Variants in HCRTR2 observed in about 807,000 individuals in gnomAD.
The protein encoded by HCRTR2 is hypocretin receptor 2.
In HCRTR2, 22 loss-of-function variants were observed where a neutral mutation model predicts 49.0. That is an observed-to-expected ratio of 0.45 (90% confidence interval 0.32 to 0.64). HCRTR2 has a LOEUF of 0.64. HCRTR2 is among the 30% of genes least tolerant of loss of function. The pLI is 0.04. For synonymous variants in HCRTR2, 236 were observed against 205.3 expected (o/e 1.15, Z -1.28); for missense variants, 491 against 559.4 (o/e 0.88, Z 1.23).
chr6:55,263,876 T>G (rs1291662062), intron 4 of HCRTR2, 54 bp downstream of exon 4: 1 of 1,071,840 alleles, frequency 9.3e-7, no homozygotes, highest in South Asian at 1.3e-5. Flanking sequence ...TAATTTGTTA[T>G]TTGTTATTCC....
chr6:55,171,386 A>G (rs1001323874), upstream of HCRTR2, among the ~76,000 whole-genome samples: 16 of 152,140 alleles, frequency 1.1e-4, no homozygotes, highest in African/African-American at 2.7e-4. Flanking sequence ...TGTAAAATGG[A>G]TTGATTCCTT....
At chr6:55,164,808 C>G (rs1473489111) in intron 1 of HCRTR2, among the ~76,000 whole-genome samples, 1 of 151,584 alleles carries the variant, frequency 6.6e-6, no homozygotes, top group Non-Finnish European at 1.5e-5. Flanking sequence ...ATGACCTTAC[C>G]AAAGAACTAT....
At chr6:55,245,593 CCTT>C (rs1156953870) in intron 1 of HCRTR2, among the ~76,000 whole-genome samples, 2 of 149,392 alleles carry the variant, frequency 1.3e-5, no homozygotes, top group African/African-American at 4.9e-5. Flanking sequence ...AATCAATCAT[CCTT>C]CTCATTGTTG....
intron 5 of HCRTR2, among the ~76,000 whole-genome samples, chr6:55,278,056 G>T (rs1167662965): frequency 1.3e-5 from 2 of 152,106 alleles, no homozygotes; most frequent in Non-Finnish European, 1.5e-5. Flanking sequence ...ACTTAAAAGT[G>T]CATTGGCGAG....
intron 1 of HCRTR2, among the ~76,000 whole-genome samples, chr6:55,228,903 C>A (rs532184364): frequency 6.6e-6 from 1 of 152,084 alleles, no homozygotes; most frequent in Non-Finnish European, 1.5e-5. Flanking sequence ...CTATTGACAA[C>A]TTTTCAGCAC....
At chr6:55,207,789 A>G (rs1349906369) in intron 1 of HCRTR2, among the ~76,000 whole-genome samples, 1 of 152,214 alleles carries the variant, frequency 6.6e-6, no homozygotes, top group Non-Finnish European at 1.5e-5. Context: ...ACGATAAAAT[A>G]GCACAACTCA....
rs371928508 is a variant in HCRTR2, at chr6:55,153,717, A to C, written c.-377-20494A>C. 2.4e-3 allele frequency among the ~76,000 whole-genome samples: 369 copies of C among 152,084 alleles called. 1 individual carries two copies. Among genetic ancestry groups the C allele is most frequent in the African/African-American group, 8.6e-3 (357 of 41,552 alleles). On this transcript the variant is annotated intron_variant, in intron 1 of 7. Transcript: ENST00000615358. ...TTTGAGATCCATACTGGTGGAGTCT[A>C]ATTATTCAAAACTAGGGAAAACAGA...
At chr6:55,248,490 T>C in intron 1 of HCRTR2, 149 bp from the exon 2 acceptor site, 1 of 693,676 alleles carries the variant, frequency 1.4e-6, no homozygotes, top group Non-Finnish European at 2.6e-6. Context: ...TTCACACAGA[T>C]TGACAGATTC....
chr6:55,249,053 T>G (rs532867483), intron 2 of HCRTR2, among the ~76,000 whole-genome samples: 1 of 152,274 alleles, frequency 6.6e-6, no homozygotes, highest in South Asian at 2.1e-4. Context: ...CACAACTTTT[T>G]TGATTACTAA....
chr6:55,176,705 A>G (rs1765046210), intron 1 of HCRTR2, among the ~76,000 whole-genome samples: 2 of 152,222 alleles, frequency 1.3e-5, no homozygotes, highest in South Asian at 2.1e-4. Flanking sequence ...CCTCAGATCC[A>G]GAATTCTCCA....
At chr6:55,251,512 CAG>C (rs1475795559) in intron 2 of HCRTR2, among the ~76,000 whole-genome samples, 29 of 151,796 alleles carry the variant, frequency 1.9e-4, no homozygotes, top group Admixed American at 1.9e-3. Flanking sequence ...GTTACTTTTT[CAG>C]AGTGATTTTT....
intron 1 of HCRTR2, among the ~76,000 whole-genome samples, chr6:55,160,968 C>G (rs1287553994): frequency 2.0e-5 from 3 of 152,138 alleles, no homozygotes; most frequent in Non-Finnish European, 4.4e-5. Flanking sequence ...GAACTCAGCT[C>G]TGGACCAAGC....
chr6:55,255,248 G>A lies in HCRTR2; in HGVS notation c.515G>A (p.Ser172Asn), dbSNP rs774812626. 1.9e-6 allele frequency: 3 copies of A among 1,613,988 alleles called. No homozygotes were observed. The highest frequency in any genetic ancestry group is 2.5e-6 in the Non-Finnish European group (3 of 1,179,966). ...FKSTAKRARN[S>N]IVIIWIVSCI... ...AGCACAGCAAAGCGGGCCCGTAACA[G>A]CATTGTCATCATCTGGATTGTCTCC... The change falls in exon 3 of 7, where the codon AGC (serine) becomes AAC (asparagine). Residue 172 changes from serine (S) to asparagine (N), a missense_variant. Physicochemically the swap from Ser to Asn is conservative, Grantham distance 46. Transcript: ENST00000370862.
At chr6:55,124,278 T>G (rs928278261) in intron 1 of HCRTR2, among the ~76,000 whole-genome samples, 1 of 152,198 alleles carries the variant, frequency 6.6e-6, no homozygotes, top group Non-Finnish European at 1.5e-5. Flanking sequence ...CTCTACACAC[T>G]GCTTTAAATG....
chr6:55,134,968 T>C (rs1411495794), intron 1 of HCRTR2, among the ~76,000 whole-genome samples: 1 of 152,042 alleles, frequency 6.6e-6, no homozygotes, highest in African/African-American at 2.4e-5. Flanking sequence ...CAGATATTTC[T>C]TCTGAAATCT....
Position 55,255,385 on chromosome 6 carries a change from T to C in HCRTR2, c.646+6T>C, listed in dbSNP as rs1209188298. On this transcript the variant is annotated splice_donor_region_variant and intron_variant, in intron 3 of 6. Transcript: ENST00000370862. ...GTGTGATGAGCGCTGGGGTGGTAAG[T>C]ACCTTATGGCCCATCAACTGACATT... The C allele has an allele frequency of 1.9e-6, 3 of 1,613,906 alleles. No homozygotes were observed. Among genetic ancestry groups the C allele is most frequent in the Non-Finnish European group, 8.5e-7 (1 of 1,179,886 alleles).
chr6:55,160,022 AAG>A (rs1035905271), intron 1 of HCRTR2, among the ~76,000 whole-genome samples: 3 of 152,144 alleles, frequency 2.0e-5, no homozygotes, highest in African/African-American at 7.2e-5. Context: ...AAACAACCCC[AAG>A]ACACATAATT....
intron 1 of HCRTR2, among the ~76,000 whole-genome samples, chr6:55,150,856 C>T (rs1283847596): frequency 1.3e-5 from 2 of 151,920 alleles, no homozygotes; most frequent in Non-Finnish European, 2.9e-5. Context: ...TGTACACTTT[C>T]CTTAGAGGAT....
At chr6:55,196,136 C>A (rs1246359794) in intron 1 of HCRTR2, among the ~76,000 whole-genome samples, 1 of 152,134 alleles carries the variant, frequency 6.6e-6, no homozygotes, top group Non-Finnish European at 1.5e-5. Flanking sequence ...GTCTTCCCAA[C>A]AACTACACTC....
Sources: allele counts gnomAD v4.1 joint callset (sites outside exome capture counted in the v4.1 genomes callset), GRCh38; gene constraint gnomAD v4.1.1; transcripts MANE v1.5; gene names NCBI Gene and HGNC (gene_info 2026-07-23, HGNC 2026-07-21).